LRRFIP2: variants seen among roughly 807,000 people sequenced by gnomAD.
The protein encoded by LRRFIP2 is LRR binding FLII interacting protein 2.
A neutral mutation model predicts 125.9 loss-of-function variants in LRRFIP2; 109 were observed. That is an observed-to-expected ratio of 0.87 (90% confidence interval 0.74 to 1.01). LRRFIP2 has a LOEUF of 1.01. LRRFIP2 is among the 50% of genes least tolerant of loss of function. The pLI, the probability that LRRFIP2 is intolerant of heterozygous loss-of-function variation, is 0.00. For synonymous variants in LRRFIP2, 291 were observed against 293.1 expected, an observed-to-expected ratio of 0.99 and a Z score of 0.07; for missense variants, 850 against 862.3, an observed-to-expected ratio of 0.99 and a Z score of 0.18.
At chr3:37,062,351 A>G (rs1180659840) in intron 24 of LRRFIP2, among the ~76,000 whole-genome samples, 2 of 152,164 alleles carry the variant, frequency 1.3e-5, no homozygotes, top group African/African-American at 4.8e-5. Context: ...ATCTCACTCA[A>G]CATTTGTTGA....
In LRRFIP2 at chr3:37,072,720, A is replaced by G. The variant is rs966876527; in HGVS notation, c.1464+70T>C. 4.4e-6 allele frequency: 4 copies of G among 906,346 alleles called. No individual in the cohort carries two copies. In the African/African-American group the frequency reaches 6.8e-5, roughly 15 times the overall value. The allele number at this position is 906,346 out of a possible 1,614,324, so 56.1% of individuals were successfully genotyped here. A position where few individuals can be genotyped will look rare whatever the true frequency, so the allele number is the denominator to read the frequency against. ...AGAATCAAAAGGACAGGTTTTTTCAATCTCTAGGTTAAATTCTACTGTAGT... is the reference window on the plus strand; with the variant it reads ...AGAATCAAAAGGACAGGTTTTTTCAGTCTCTAGGTTAAATTCTACTGTAGT... On this transcript the variant is annotated intron_variant, in intron 21 of 27. Transcript: ENST00000336686.
chr3:37,165,589 T>C (rs1332254967), intron 1 of LRRFIP2, among the ~76,000 whole-genome samples: 3 of 151,570 alleles, frequency 2.0e-5, no homozygotes, highest in Non-Finnish European at 2.9e-5. Context: ...CTGTCTCTAC[T>C]AAAAATACAA....
chr3:37,112,334 CAAAAAAAGAAAAA>C lies in LRRFIP2; in HGVS notation c.438+568_438+580del, dbSNP rs1433644967. ...TGGGAGACAGAGCGAGACTCCATCT[CAAAAAAAGAAAAA>C]AAAAAAGAAAAGAAAAAAAGAAAAA... On this transcript the variant is annotated intron_variant, in intron 8 of 27. Coordinates refer to ENST00000336686, the MANE Select transcript of LRRFIP2 (RefSeq NM_006309.4). Among the ~76,000 whole-genome samples, 8 of 73,042 alleles carry C rather than the reference CAAAAAAAGAAAAA, an allele frequency of 1.1e-4. No homozygotes were observed. The South Asian group carries it at 2.4e-3, about 22-fold the overall frequency. 47.9% of individuals were successfully genotyped at this position (73,042 alleles called of 152,430 possible).
chr3:37,130,769 G>A (rs1447660247), intron 2 of LRRFIP2, among the ~76,000 whole-genome samples: 1 of 151,940 alleles, frequency 6.6e-6, no homozygotes, highest in Non-Finnish European at 1.5e-5. Context: ...ATTTAATAAT[G>A]GCCCCAAAGA....
intron 4 of LRRFIP2, 150 bp from the exon 5 acceptor site, chr3:37,121,841 CGTGTGTGTGTGTGTGT>C (rs60540567): frequency 0.019 from 9,595 of 517,670 alleles, 19 homozygotes; most frequent in Non-Finnish European, 0.025. Flanking sequence ...CAGCCACATT[CGTGTGTGTGTGTGTGT>C]GTGTGTGTGT....
In LRRFIP2 at chr3:37,112,943, C is replaced by T; in HGVS notation, c.410G>A (p.Arg137Lys). ...SYSHSHGMKK[R>K]SSDSHKDLLS... ...TAGGTCTTTATGAGAATCAGAAGAC[C>T]TCTTCTTCATTCCATGAGAGTGACT... Residue 137 changes from arginine to lysine, a missense_variant, in exon 8 of 28, where the codon AGG becomes AAG. Arg to Lys is a conservative substitution (Grantham distance 26). Transcript: ENST00000336686. 2 of 1,582,494 alleles carry T rather than the reference C, an allele frequency of 1.3e-6. 1 individual carries two copies. The highest frequency in any genetic ancestry group is 3.4e-4 in the Middle Eastern group (2 of 5,950).
intron 15 of LRRFIP2, among the ~76,000 whole-genome samples, chr3:37,099,659 T>C (rs1182166798): frequency 6.6e-6 from 1 of 152,250 alleles, no homozygotes; most frequent in Non-Finnish European, 1.5e-5. Context: ...ATGGGTTTAA[T>C]TATTAACAAT....
chr3:37,096,813 T>C (rs1452682335), intron 15 of LRRFIP2, among the ~76,000 whole-genome samples, 153 bp from the exon 16 acceptor site: 1 of 152,084 alleles, frequency 6.6e-6, no homozygotes, highest in Non-Finnish European at 1.5e-5. Flanking sequence ...CAGTTTAACA[T>C]AAGATAAAAT....
intron 1 of LRRFIP2, among the ~76,000 whole-genome samples, chr3:37,149,744 T>TA (rs2095962417): frequency 1.3e-5 from 2 of 152,050 alleles, no homozygotes; most frequent in South Asian, 4.1e-4. Context: ...CTCTCACCTG[T>TA]AATCCCAGCA....
chr3:37,144,737 A>G (rs1202093082), intron 2 of LRRFIP2, among the ~76,000 whole-genome samples: 1 of 152,234 alleles, frequency 6.6e-6, no homozygotes, highest in East Asian at 1.9e-4. Context: ...TTTGACAGAA[A>G]TGCACTGAAC....
chr3:37,101,457 G>C (rs2094040877), intron 15 of LRRFIP2, among the ~76,000 whole-genome samples: 1 of 151,924 alleles, frequency 6.6e-6, no homozygotes, highest in Non-Finnish European at 1.5e-5. Flanking sequence ...TTGAGGTCAG[G>C]AATTCGAGAC....
intron 18 of LRRFIP2, among the ~76,000 whole-genome samples, chr3:37,090,100 G>A (rs2093342312): frequency 6.6e-6 from 1 of 152,158 alleles, no homozygotes; most frequent in Non-Finnish European, 1.5e-5. Flanking sequence ...TCATGCCAGG[G>A]AAGATGACAA....
chr3:37,057,855 AC>A (rs35210371), intron 25 of LRRFIP2, among the ~76,000 whole-genome samples: 328 of 152,364 alleles, frequency 2.2e-3, no homozygotes, highest in Middle Eastern at 3.4e-3. Context: ...AAATCTTCCT[AC>A]TATGGGAATT....
chr3:37,066,763 T>C (rs1575953769), intron 21 of LRRFIP2: 1 of 161,052 alleles, frequency 6.2e-6, no homozygotes, highest in East Asian at 1.7e-4. Flanking sequence ...AGTTGATTTT[T>C]TAAAAAATAG....
chr3:37,070,177 G>C (rs1465127052), intron 21 of LRRFIP2, among the ~76,000 whole-genome samples: 2 of 146,466 alleles, frequency 1.4e-5, no homozygotes, highest in Non-Finnish European at 3.0e-5. Flanking sequence ...GCAGTGACAT[G>C]ATCTCAGCTC....
At chr3:37,169,389 T>A (rs2096554165) in intron 1 of LRRFIP2, among the ~76,000 whole-genome samples, 1 of 152,212 alleles carries the variant, frequency 6.6e-6, no homozygotes, top group African/African-American at 2.4e-5. Flanking sequence ...ACTGTTCACC[T>A]AGATACAGCA....
chr3:37,107,632 G>A (rs529246920), intron 13 of LRRFIP2, among the ~76,000 whole-genome samples: 20 of 152,040 alleles, frequency 1.3e-4, no homozygotes, highest in Admixed American at 9.2e-4. Flanking sequence ...TTTGTCTTTC[G>A]TATAACAATT....
chr3:37,127,813 A>T, intron 3 of LRRFIP2, 133 bp from the exon 4 acceptor site: 1 of 685,618 alleles, frequency 1.5e-6, no homozygotes. Context: ...CAAAATACAG[A>T]AAATTAGTAA....
At chr3:37,054,248 G>A (rs894358674) in intron 27 of LRRFIP2, among the ~76,000 whole-genome samples, 163 bp downstream of exon 27, 22 of 152,130 alleles carry the variant, frequency 1.4e-4, no homozygotes, top group Non-Finnish European at 2.9e-5. Context: ...AAACATAAAA[G>A]TAAATGGCAG....
Sources: allele counts gnomAD v4.1 joint callset (sites outside exome capture counted in the v4.1 genomes callset), GRCh38; gene constraint gnomAD v4.1.1; transcripts MANE v1.5; gene names NCBI Gene and HGNC (gene_info 2026-07-23, HGNC 2026-07-21).